SBF2: variants seen among roughly 807,000 people sequenced by gnomAD.
SBF2 encodes myotubularin-related protein 13.
In SBF2, 112 loss-of-function variants were observed where a neutral mutation model predicts 225.2. The observed-to-expected ratio is 0.50, with a 90% CI of 0.43 to 0.58. The LOEUF (loss-of-function observed/expected upper bound fraction) is 0.58, where lower values mean the gene tolerates loss of function less well. Ranked by LOEUF, SBF2 falls within the 20% of genes least tolerant of loss-of-function variation. The pLI is 0.00. For missense variants in SBF2, 1,996 were observed against 2,206.2 expected, an observed-to-expected ratio of 0.90 and a Z score of 1.91; for synonymous variants, 763 against 773.3, an observed-to-expected ratio of 0.99 and a Z score of 0.22.
At chr11:9,837,414 T>C (rs76035350) in intron 26 of SBF2, among the ~76,000 whole-genome samples, 8,929 of 152,310 alleles carry the variant, frequency 0.059, 331 homozygotes, top group Non-Finnish European at 0.083. Flanking sequence ...ATAAGTGTAC[T>C]TTGCATTTGC....
At chr11:10,125,445 G>T (rs1373086501) in intron 2 of SBF2, among the ~76,000 whole-genome samples, 1 of 151,994 alleles carries the variant, frequency 6.6e-6, no homozygotes, top group South Asian at 2.1e-4. Flanking sequence ...AGTAATTTAA[G>T]AATTTTCAGT....
At chr11:10,040,750 TGGGGAGAGGAGAGAG>T (rs982903020) in intron 3 of SBF2, among the ~76,000 whole-genome samples, 2 of 145,752 alleles carry the variant, frequency 1.4e-5, no homozygotes, top group Admixed American at 7.0e-5. Flanking sequence ...ATGGGGGAGA[TGGGGAGAGGAGAGAG>T]GGGAAGAGGG....
chr11:10,169,769 G>A (rs1956114364), intron 2 of SBF2, among the ~76,000 whole-genome samples: 1 of 152,118 alleles, frequency 6.6e-6, no homozygotes, highest in Non-Finnish European at 1.5e-5. Context: ...CTTCTCCATA[G>A]TGGCTTTAGC....
At chr11:10,005,567 T>G (rs889495993) in intron 6 of SBF2, among the ~76,000 whole-genome samples, 1 of 152,174 alleles carries the variant, frequency 6.6e-6, no homozygotes, top group African/African-American at 2.4e-5. Context: ...AAAATTTGCC[T>G]TGGTCTCTCA....
intron 13 of SBF2, among the ~76,000 whole-genome samples, chr11:9,980,703 G>A (rs569234925): frequency 2.0e-5 from 3 of 151,902 alleles, no homozygotes; most frequent in African/African-American, 7.2e-5. Context: ...CTCAGCCTCC[G>A]GAGTTACTGG....
chr11:10,241,779 C>G (rs1185175447), intron 1 of SBF2, among the ~76,000 whole-genome samples: 1 of 152,062 alleles, frequency 6.6e-6, no homozygotes, highest in Admixed American at 6.5e-5. Context: ...TTCCAAAATT[C>G]ATTTCTCCAT....
At chr11:10,105,989 T>C (rs1050781131) in intron 2 of SBF2, among the ~76,000 whole-genome samples, 1 of 152,192 alleles carries the variant, frequency 6.6e-6, no homozygotes, top group African/African-American at 2.4e-5. Context: ...CATAGGTGTT[T>C]AGATATGTCA....
chr11:9,841,171 A>C (rs1856108981), intron 25 of SBF2, among the ~76,000 whole-genome samples: 2 of 152,182 alleles, frequency 1.3e-5, no homozygotes, highest in African/African-American at 4.8e-5. Context: ...ACTTCAATTC[A>C]TGTTTCCATT....
chr11:9,957,145 C>T (rs553484720), intron 16 of SBF2: 1 of 152,318 alleles, frequency 6.6e-6, no homozygotes, highest in South Asian at 2.1e-4. Flanking sequence ...TACCTCTAAA[C>T]CCATGTGGAC....
At chr11:9,862,674 TA>T (rs1346980777) in intron 17 of SBF2, among the ~76,000 whole-genome samples, 1 of 152,220 alleles carries the variant, frequency 6.6e-6, no homozygotes, top group Non-Finnish European at 1.5e-5. Context: ...GTAATTTTAG[TA>T]AACAGAGAAA....
chr11:9,937,890 A>G (rs958736339), intron 16 of SBF2, among the ~76,000 whole-genome samples: 4 of 152,218 alleles, frequency 2.6e-5, no homozygotes, highest in Non-Finnish European at 4.4e-5. Flanking sequence ...ATGCTAAAGA[A>G]TACATCTAAT....
chr11:10,022,661 T>A (rs180797296), intron 6 of SBF2, among the ~76,000 whole-genome samples: 2 of 151,988 alleles, frequency 1.3e-5, no homozygotes, highest in Non-Finnish European at 2.9e-5. Flanking sequence ...TTAATATTTA[T>A]CCACTTTCCT....
intron 28 of SBF2, among the ~76,000 whole-genome samples, chr11:9,825,745 T>C (rs1053986128): frequency 1.3e-5 from 2 of 152,290 alleles, no homozygotes; most frequent in South Asian, 4.1e-4. Flanking sequence ...AAAAAAGCAC[T>C]GATTCGTATA....
In SBF2 at chr11:9,845,588, C is replaced by T. The variant is rs775337881; in HGVS notation, c.3087G>A (p.Gln1029=). 13 of 1,613,742 alleles carry T rather than the reference C, an allele frequency of 8.1e-6. No individual in the cohort carries two copies. The African/African-American group carries it at 9.3e-5, about 12-fold the overall frequency. Residue 1029 remains glutamine, a synonymous_variant, in exon 24 of 40, where the codon CAG becomes CAA. Coordinates refer to ENST00000256190, the MANE Select transcript of SBF2 (RefSeq NM_030962.4). ...QTTPQIILPK[Q]KEKNTSFRTF... The stretch of plus-strand genomic sequence containing the variant: ...ACCGAAAAGAAGTGTTCTTTTCCTT[C>T]TGTTTTGGTAAAATTATTTGTGGGG...
chr11:9,810,495 A>C (rs1854122125), intron 30 of SBF2: 1 of 152,228 alleles, frequency 6.6e-6, no homozygotes, highest in Non-Finnish European at 1.5e-5. Context: ...CATAATTTGC[A>C]ATTTGAATCC....
intron 2 of SBF2, among the ~76,000 whole-genome samples, chr11:10,182,530 T>C (rs1388775156): frequency 6.6e-6 from 1 of 152,094 alleles, no homozygotes; most frequent in Non-Finnish European, 1.5e-5. Flanking sequence ...AAAGAAGTCT[T>C]ATTGTCAAAA....
intron 3 of SBF2, among the ~76,000 whole-genome samples, chr11:10,042,170 T>C (rs569380320): frequency 8.3e-4 from 126 of 152,294 alleles, no homozygotes; most frequent in African/African-American, 2.9e-3. Flanking sequence ...GTGGAAGGAA[T>C]ATGGTTTCTA....
intron 16 of SBF2, among the ~76,000 whole-genome samples, chr11:9,938,155 G>C (rs1865017983): frequency 6.6e-6 from 1 of 152,064 alleles, no homozygotes; most frequent in Non-Finnish European, 1.5e-5. Flanking sequence ...GCCGGGCGTG[G>C]TGGCGGGCGC....
Position 10,195,876 on chromosome 11 carries a change from C to G in SBF2, c.56-1889G>C, listed in dbSNP as rs531216377. Among the ~76,000 whole-genome samples, 4 of 152,260 alleles carry G rather than the reference C, an allele frequency of 2.6e-5. No individual in the cohort carries two copies. In the East Asian group the frequency reaches 5.8e-4, roughly 22 times the overall value. Reference sequence around the variant, plus strand: ...AAGGATTTTGTTAAGAGTAAACCAACTTTTTATCATAGGCACTCATTCTTC... The same window carrying G: ...AAGGATTTTGTTAAGAGTAAACCAAGTTTTTATCATAGGCACTCATTCTTC... On this transcript the variant is annotated intron_variant, in intron 1 of 39. Transcript: ENST00000256190.
Sources: allele counts gnomAD v4.1 joint callset (sites outside exome capture counted in the v4.1 genomes callset), GRCh38; gene constraint gnomAD v4.1.1; transcripts MANE v1.5; gene names NCBI Gene and HGNC (gene_info 2026-07-23, HGNC 2026-07-21).